The following MIDEAS variants were observed in gnomAD, a reference collection of about 807,000 sequenced individuals.
MIDEAS encodes mitotic deacetylase associated SANT domain protein.
Under a neutral mutation model 102.7 loss-of-function variants are expected in MIDEAS, and 26 were observed. That is an observed-to-expected ratio of 0.25 (90% CI 0.19 to 0.35). MIDEAS has a LOEUF of 0.35. MIDEAS is among the 10% of genes least tolerant of loss of function. The probability of loss-of-function intolerance (pLI) is 1.00; values close to 1 mark genes in which losing one functional copy is unlikely to be tolerated. For missense variants in MIDEAS, 1,231 were observed against 1,435.6 expected (o/e 0.86, Z 2.30); for synonymous variants, 585 against 591.0 (o/e 0.99, Z 0.15).
chr14:73,750,661 C>A (rs1566598907), intron 1 of MIDEAS, among the ~76,000 whole-genome samples: 1 of 152,212 alleles, frequency 6.6e-6, no homozygotes, highest in Non-Finnish European at 1.5e-5. Context: ...CAAAGCAGGG[C>A]CCAGCTGGGA....
At chr14:73,764,339 C>CAAAAAAAA (rs5809629), upstream of MIDEAS, among the ~76,000 whole-genome samples, 3 of 88,256 alleles carry the variant, frequency 3.4e-5, no homozygotes, top group African/African-American at 1.3e-4. Flanking sequence ...GACCCTGTCT[C>CAAAAAAAA]AAAAAAAAAA....
intron 1 of MIDEAS, among the ~76,000 whole-genome samples, chr14:73,745,887 C>T (rs558533349): frequency 1.2e-4 from 18 of 152,312 alleles, no homozygotes; most frequent in South Asian, 4.1e-4. Flanking sequence ...GCCCTATGGT[C>T]GGCCCATTCC....
chr14:73,786,865 C>G (rs965411395), intron 1 of MIDEAS, among the ~76,000 whole-genome samples: 1 of 151,974 alleles, frequency 6.6e-6, no homozygotes, highest in Non-Finnish European at 1.5e-5. Context: ...CTGGAGCTGG[C>G]CCCGCTGCAG....
rs149419468 is a variant in MIDEAS, at chr14:73,737,141, C to T, written c.1606G>A (p.Val536Met). The change falls in exon 3 of 13, where the codon GTG (valine) becomes ATG (methionine). Residue 536 changes from valine to methionine, a missense_variant. Physicochemically the swap from Val to Met is conservative, Grantham distance 21. Around this residue, in one of 5 missense-constraint regions of MIDEAS, gnomAD observed 758 missense variants for 856.0 expected, o/e 0.89. Coordinates refer to ENST00000423556, the MANE Select transcript of MIDEAS (RefSeq NM_001367710.1). ...GCCTGGGCTGCCTCAGTTGGGTCCA[C>T]AGTTCGCACAGGCACAGACACTGGG... Reference protein sequence around the residue: ...IIPVSVPVRTVDPTEAAQAGG... With the variant: ...IIPVSVPVRTMDPTEAAQAGG... 45 of 1,614,068 alleles carry T rather than the reference C, an allele frequency of 2.8e-5. No individual in the cohort carries two copies. The highest frequency in any genetic ancestry group is 3.6e-5 in the Non-Finnish European group (42 of 1,180,002).
chr14:73,715,577 T>C lies in MIDEAS; in HGVS notation c.*3266A>G, dbSNP rs933639429. On this transcript the variant is annotated 3_prime_UTR_variant, in exon 13 of 13. Transcript: ENST00000423556. ...AAATTGTTAGAAGCAAATATTAACA[T>C]AGCAAAATGTGGGGAGGACACAATT... 6.6e-6 allele frequency: 1 copy of C among 152,422 alleles called. No individual in the cohort carries two copies. Among genetic ancestry groups the C allele is most frequent in the Non-Finnish European group, 1.5e-5 (1 of 68,038 alleles). The allele number at this position is 152,422 out of a possible 1,614,324, so 9.4% of individuals were successfully genotyped here. A position where few individuals can be genotyped will look rare whatever the true frequency, so the allele number is the denominator to read the frequency against.
At chr14:73,736,633 A>G (rs2053204100) in intron 3 of MIDEAS, among the ~76,000 whole-genome samples, 1 of 5,958 alleles carries the variant, frequency 1.7e-4, no homozygotes, top group Non-Finnish European at 2.7e-4. Context: ...TCTGCCTCAG[A>G]AAAAAAAAAA....
chr14:73,725,287 G>C lies in MIDEAS; in HGVS notation c.2559C>G (p.Phe853Leu). 1 of 1,613,986 alleles carries C rather than the reference G, an allele frequency of 6.2e-7. No individual in the cohort carries two copies. The highest frequency in any genetic ancestry group is 8.5e-7 in the Non-Finnish European group (1 of 1,179,882). ...CCCAGCTCACCAGCTTCTGCACCAG[G>C]AAGAAATCCTTCTTGTAGATGGCAA... ...KGIAIYKKDF[F>L]LVQKLIQTKT... The change falls in exon 9 of 13, where the codon TTC becomes TTG. Residue 853 changes from phenylalanine (F) to leucine (L), a missense_variant. Phe to Leu is a conservative substitution (Grantham distance 22). Transcript: ENST00000423556. This position sits in a 1 kb window ranked among gnomAD's most constrained non-coding sequence, Gnocchi z 4.1.
At chr14:73,788,841 C>A (rs1276079887), upstream of MIDEAS, 1 of 152,226 alleles carries the variant, frequency 6.6e-6, no homozygotes, top group East Asian at 1.9e-4. Context: ...TAAAGGCAAT[C>A]ATGTGATACT....
intron 3 of MIDEAS, among the ~76,000 whole-genome samples, chr14:73,732,599 A>G (rs2053152178): frequency 6.6e-6 from 1 of 152,052 alleles, no homozygotes; most frequent in Non-Finnish European, 1.5e-5. Context: ...CAGCCTGGCC[A>G]ACATGGCAAA....
In MIDEAS at chr14:73,739,386, G is replaced by A; in HGVS notation, c.623C>T (p.Pro208Leu). 6.3e-7 allele frequency: 1 copy of A among 1,585,546 alleles called. No homozygotes were observed. The highest frequency in any genetic ancestry group is 1.3e-5 in the African/African-American group (1 of 74,582). ...LNSFHAAKKP[P>L]NQSLPLQPFQ... ...GGGTTGCAGGGGCAGTGACTGGTTT[G>A]GGGGTTTCTTGGCTGCGTGGAAAGA... The change falls in exon 2 of 13, where the codon CCA (proline) becomes CTA (leucine). Residue 208 changes from proline (P) to leucine (L), a missense_variant. Physicochemically the swap from Pro to Leu is moderately conservative, Grantham distance 98. Around this residue, in one of 5 missense-constraint regions of MIDEAS, gnomAD observed 758 missense variants for 856.0 expected, o/e 0.89. Transcript: ENST00000423556.
At chr14:73,728,700 C>G (rs921418897) in intron 4 of MIDEAS, 3 of 152,264 alleles carry the variant, frequency 2.0e-5, no homozygotes, top group Non-Finnish European at 4.4e-5. Context: ...CCATGGTGTC[C>G]TGTACATTCT....
chr14:73,745,607 C>T (rs367904395), intron 1 of MIDEAS, among the ~76,000 whole-genome samples: 6 of 152,312 alleles, frequency 3.9e-5, no homozygotes, highest in Non-Finnish European at 5.9e-5. Context: ...TAGCCAGACT[C>T]GGTAAATGGC....
chr14:73,769,816 G>T lies in MIDEAS; in HGVS notation c.-248+17286C>A, dbSNP rs932396002. On this transcript the variant is annotated intron_variant, in intron 1 of 11. Transcript: ENST00000394071. ...GGGGTTTCACCATATTGGCCAGGCT[G>T]GTCTCAAACTCCTGACCTGGTGATC... 5.3e-5 allele frequency among the ~76,000 whole-genome samples: 8 copies of T among 151,680 alleles called. No homozygotes were observed. In the East Asian group the frequency reaches 1.5e-3, roughly 29 times the overall value.
chr14:73,733,140 A>G (rs1048336138), intron 3 of MIDEAS, among the ~76,000 whole-genome samples: 1 of 152,224 alleles, frequency 6.6e-6, no homozygotes, highest in Non-Finnish European at 1.5e-5. Context: ...GGGCTCGCCA[A>G]GGAAGGAGAG....
intron 1 of MIDEAS, among the ~76,000 whole-genome samples, chr14:73,745,435 G>A (rs1214840618): frequency 6.6e-6 from 1 of 152,144 alleles, no homozygotes; most frequent in African/African-American, 2.4e-5. Context: ...CTCATGCCCT[G>A]ACATGGCTGG....
At chr14:73,719,532 G>T in intron 11 of MIDEAS, 31 bp from the exon 12 acceptor site, 1 of 1,603,648 alleles carries the variant, frequency 6.2e-7, no homozygotes, top group Non-Finnish European at 8.5e-7. Context: ...AGAGTTGAGT[G>T]ATCTGAGCAA....
Position 73,721,455 on chromosome 14 carries a change from C to A in MIDEAS, c.2779G>T (p.Glu927Ter). 1 of 1,614,182 alleles carries A rather than the reference C, an allele frequency of 6.2e-7. No individual in the cohort carries two copies. The highest frequency in any genetic ancestry group is 8.5e-7 in the Non-Finnish European group (1 of 1,180,042). Residue 927 changes from glutamate to a stop codon, truncating the protein, a stop_gained, in exon 11 of 13, where the codon GAG (glutamate) becomes TAG (stop). Transcript: ENST00000423556. LOFTEE classifies it high-confidence loss of function. ...PLPRRESPSE[E>*]RLEPKREVKE... ...ACCTCCCTCTTGGGCTCCAGCCTCTCTTCACTTGGGGACTCTCTTCTGGGA... is the reference window on the plus strand; with the variant it reads ...ACCTCCCTCTTGGGCTCCAGCCTCTATTCACTTGGGGACTCTCTTCTGGGA...
At chr14:73,735,821 G>A (rs1275218670) in intron 3 of MIDEAS, among the ~76,000 whole-genome samples, 3 of 152,320 alleles carry the variant, frequency 2.0e-5, no homozygotes, top group Admixed American at 6.5e-5. Context: ...CCATCTATGC[G>A]TGTTACAAAA....
chr14:73,718,917 C>G lies in MIDEAS; in HGVS notation c.3226G>C (p.Glu1076Gln). ...KAAALRLKEK[E>Q]AAAAAAAAHQ... ...GCGGCGGCGGCGGCAGCAGCGGCCTCTTTCTCCTTCAGCCTCAGCGCTGCA... is the reference window on the plus strand; with the variant it reads ...GCGGCGGCGGCGGCAGCAGCGGCCTGTTTCTCCTTCAGCCTCAGCGCTGCA... Residue 1076 changes from glutamate to glutamine, a missense_variant, in exon 13 of 13, where the codon GAG becomes CAG. Glu to Gln is a conservative substitution (Grantham distance 29). Around this residue, in one of 5 missense-constraint regions of MIDEAS, gnomAD observed 71 missense variants for 51.9 expected, o/e 1.37. Coordinates refer to ENST00000423556, the MANE Select transcript of MIDEAS (RefSeq NM_001367710.1). 3.9e-6 allele frequency: 6 copies of G among 1,525,414 alleles called. No homozygotes were observed. Among genetic ancestry groups the G allele is most frequent in the South Asian group, 1.2e-5 (1 of 83,044 alleles). The allele number at this position is 1,525,414 out of a possible 1,614,324, so 94.5% of individuals were successfully genotyped here. A position where few individuals can be genotyped will look rare whatever the true frequency, so the allele number is the denominator to read the frequency against.
Sources: allele counts gnomAD v4.1 joint callset (sites outside exome capture counted in the v4.1 genomes callset), GRCh38; gene constraint gnomAD v4.1.1; regional missense constraint gnomAD v4.1.1; non-coding constraint Gnocchi (gnomAD v3.1); transcripts MANE v1.5; gene names NCBI Gene and HGNC (gene_info 2026-07-23, HGNC 2026-07-21).